IQCJ: variants seen among roughly 807,000 people sequenced by gnomAD.
IQCJ encodes the protein IQ motif containing J.
IQCJ carries 9 observed loss-of-function variants against 11.0 expected under a neutral mutation model. The ratio of observed to expected loss-of-function variants is 0.82; its 90% CI spans 0.49 to 1.43. The LOEUF (loss-of-function observed/expected upper bound fraction) is 1.43. Ranked by LOEUF, IQCJ falls within the 40% of genes most tolerant of loss-of-function variation. The pLI is 0.00. For missense variants in IQCJ, 146 were observed against 133.2 expected, an observed-to-expected ratio of 1.10 and a Z score of -0.47; for synonymous variants, 55 against 51.3, an observed-to-expected ratio of 1.07 and a Z score of -0.31.
At chr3:159,089,436 C>G (rs1348898963) in intron 1 of IQCJ, among the ~76,000 whole-genome samples, 1 of 151,792 alleles carries the variant, frequency 6.6e-6, no homozygotes, top group East Asian at 1.9e-4. Flanking sequence ...TTGTGGTGTT[C>G]TCTGTATTTC....
intron 1 of IQCJ, among the ~76,000 whole-genome samples, chr3:159,106,971 TTGAC>T (rs1360175846): frequency 8.5e-5 from 13 of 152,344 alleles, no homozygotes; most frequent in African/African-American, 2.9e-4. Context: ...TCCTATTACT[TTGAC>T]TGTACAGATA....
chr3:159,254,082 G>T (rs1180438102), intron 3 of IQCJ, among the ~76,000 whole-genome samples: 1 of 152,230 alleles, frequency 6.6e-6, no homozygotes, highest in Non-Finnish European at 1.5e-5. Flanking sequence ...TGTGTAAGCA[G>T]TGTGTCAGCC....
intron 2 of IQCJ, among the ~76,000 whole-genome samples, chr3:159,248,066 T>C (rs138676995): frequency 0.015 from 2,252 of 152,338 alleles, 50 homozygotes; most frequent in African/African-American, 0.052. Context: ...TGATGCCTCT[T>C]TCTACTCTTT....
At chr3:159,074,163 T>C (rs954004533) in intron 1 of IQCJ, among the ~76,000 whole-genome samples, 1 of 152,042 alleles carries the variant, frequency 6.6e-6, no homozygotes, top group African/African-American at 2.4e-5. Flanking sequence ...ATGATCAAAA[T>C]AGGCTTGCGT....
intron 3 of IQCJ, among the ~76,000 whole-genome samples, chr3:159,259,342 A>G (rs1181108345): frequency 6.6e-6 from 1 of 152,218 alleles, no homozygotes; most frequent in African/African-American, 2.4e-5. Context: ...AATTCAAAAT[A>G]TAGGAGCACA....
rs1721500876 is a variant in IQCJ at position 159,156,045 on chromosome 3, A to G, written c.9+86604A>G. On this transcript the variant is annotated intron_variant, in intron 1 of 3. Transcript: ENST00000397832. ...AACATATATACCTGAAAGGAATGGC[A>G]GAGACACTAAACACGTGCCATCTGA... Among the ~76,000 whole-genome samples, 3 of 152,226 alleles carry G rather than the reference A, an allele frequency of 2.0e-5. No individual in the cohort carries two copies. In the South Asian group the frequency reaches 6.2e-4, roughly 32 times the overall value.
At chr3:159,241,674 G>A (rs1450531017) in intron 1 of IQCJ, among the ~76,000 whole-genome samples, 1 of 152,086 alleles carries the variant, frequency 6.6e-6, no homozygotes, top group Non-Finnish European at 1.5e-5. Flanking sequence ...AGAATCCAGA[G>A]GAATAAACTG....
chr3:159,242,417 C>T (rs1726979558), intron 1 of IQCJ, among the ~76,000 whole-genome samples: 1 of 152,042 alleles, frequency 6.6e-6, no homozygotes, highest in Non-Finnish European at 1.5e-5. Context: ...CATCAGGGTC[C>T]CAGGTACCTT....
intron 1 of IQCJ, among the ~76,000 whole-genome samples, chr3:159,186,895 T>G (rs1560017974): frequency 6.6e-6 from 1 of 152,164 alleles, no homozygotes; most frequent in Non-Finnish European, 1.5e-5. Context: ...TTGAATCATA[T>G]GGCTAGGTTT....
intron 1 of IQCJ, among the ~76,000 whole-genome samples, chr3:159,078,921 G>A (rs1716122858): frequency 1.3e-5 from 2 of 152,170 alleles, no homozygotes; most frequent in Admixed American, 6.6e-5. Flanking sequence ...TTGGCAAAGT[G>A]CATGGTAGAT....
chr3:159,211,776 T>A (rs1724966748), intron 1 of IQCJ, among the ~76,000 whole-genome samples: 2 of 152,120 alleles, frequency 1.3e-5, no homozygotes, highest in South Asian at 4.1e-4. Flanking sequence ...TCTATTTCTT[T>A]GCTTGACAGT....
intron 1 of IQCJ, among the ~76,000 whole-genome samples, chr3:159,230,226 C>CT (rs917565891): frequency 2.6e-5 from 4 of 151,996 alleles, no homozygotes; most frequent in Non-Finnish European, 5.9e-5. Context: ...TGATTTCATT[C>CT]TTTTTTATGG....
chr3:159,212,559 T>A (rs1290454867), intron 1 of IQCJ, among the ~76,000 whole-genome samples: 2 of 152,212 alleles, frequency 1.3e-5, no homozygotes, highest in Non-Finnish European at 2.9e-5. Context: ...CATCCTCCAA[T>A]AAGGCCCTGT....
intron 1 of IQCJ, among the ~76,000 whole-genome samples, chr3:159,188,756 C>A (rs1723517520): frequency 6.6e-6 from 1 of 152,142 alleles, no homozygotes; most frequent in Non-Finnish European, 1.5e-5. Flanking sequence ...GTATCTCCCC[C>A]TTCTCCTTGT....
At chr3:159,080,496 C>T (rs568682064) in intron 1 of IQCJ, among the ~76,000 whole-genome samples, 39 of 152,108 alleles carry the variant, frequency 2.6e-4, no homozygotes, top group Non-Finnish European at 4.1e-4. Flanking sequence ...TGACACCAGC[C>T]CCGCTGTCAG....
intron 1 of IQCJ, among the ~76,000 whole-genome samples, chr3:159,111,259 C>T (rs920157202): frequency 6.6e-6 from 1 of 152,072 alleles, no homozygotes; most frequent in Non-Finnish European, 1.5e-5. Context: ...GTTCCAGTAT[C>T]GAAATGATTT....
intron 1 of IQCJ, among the ~76,000 whole-genome samples, chr3:159,163,666 C>A (rs1487602173): frequency 6.6e-6 from 1 of 152,130 alleles, no homozygotes; most frequent in African/African-American, 2.4e-5. Context: ...TGCCCAGCCT[C>A]ATTTTTCATG....
At chr3:159,238,850 G>T (rs1726745512) in intron 1 of IQCJ, among the ~76,000 whole-genome samples, 2 of 152,072 alleles carry the variant, frequency 1.3e-5, no homozygotes, top group Admixed American at 1.3e-4. Context: ...GTGTGTGCAG[G>T]GGCCAATGAG....
In IQCJ at chr3:159,081,246, A is replaced by T. The variant is rs1412504417; in HGVS notation, c.9+11805A>T. On this transcript the variant is annotated intron_variant, in intron 1 of 3. Coordinates refer to ENST00000397832, the MANE Select transcript of IQCJ (RefSeq NM_001042706.3). ...AAAATGAAATGGCTCCTCCTCACAC[A>T]TCCGTTTTCTTTTGTAAGAGCAAGA... is the stretch of plus-strand genomic sequence containing the variant. 3.3e-5 allele frequency among the ~76,000 whole-genome samples: 5 copies of T among 152,224 alleles called. No individual in the cohort carries two copies. In the East Asian group the frequency reaches 9.7e-4, roughly 29 times the overall value.
Sources: allele counts gnomAD v4.1 joint callset (sites outside exome capture counted in the v4.1 genomes callset), GRCh38; gene constraint gnomAD v4.1.1; transcripts MANE v1.5; gene names NCBI Gene and HGNC (gene_info 2026-07-23, HGNC 2026-07-21).